KCNH5: variants seen among roughly 807,000 people sequenced by gnomAD.
KCNH5 encodes potassium voltage-gated channel subfamily H member 5.
A neutral mutation model predicts 96.1 loss-of-function variants in KCNH5; 46 were observed. The observed-to-expected ratio is 0.48, with a 90% CI of 0.38 to 0.61. The LOEUF is 0.61. KCNH5 is among the 20% of genes least tolerant of loss of function. The pLI is 0.00. For missense variants in KCNH5, 907 were observed against 1,225.8 expected (o/e 0.74, Z 3.88); for synonymous variants, 439 against 449.8 (o/e 0.98, Z 0.30).
At chr14:62,922,247 T>C (rs1595685799) in intron 7 of KCNH5, among the ~76,000 whole-genome samples, 1 of 152,072 alleles carries the variant, frequency 6.6e-6, no homozygotes, top group Non-Finnish European at 1.5e-5. Flanking sequence ...TATAGCTCTA[T>C]CTATAGCTAC....
At chr14:62,831,596 A>G (rs1887350902) in intron 8 of KCNH5, among the ~76,000 whole-genome samples, 2 of 152,140 alleles carry the variant, frequency 1.3e-5, no homozygotes, top group African/African-American at 4.8e-5. Context: ...ATTTTCAAGA[A>G]TCCTTTATGT....
At chr14:62,871,232 G>A (rs937136000) in intron 7 of KCNH5, among the ~76,000 whole-genome samples, 4 of 152,120 alleles carry the variant, frequency 2.6e-5, no homozygotes, top group Admixed American at 1.3e-4. Context: ...TATCCCCAGG[G>A]AAACCGTAGT....
rs533853047 is a variant in KCNH5, at chr14:62,734,019, G to C, written c.2020-25564C>G. On this transcript the variant is annotated intron_variant, in intron 10 of 10. Transcript: ENST00000322893. ...ATATTCTACTGGCACTTCAAAGTCAGCATATCCAAGATAATTATGTGCCAA... is the reference window on the plus strand; with the variant it reads ...ATATTCTACTGGCACTTCAAAGTCACCATATCCAAGATAATTATGTGCCAA... Among the ~76,000 whole-genome samples the C allele has an allele frequency of 7.2e-5, 11 of 152,238 alleles. No individual in the cohort carries two copies. The South Asian group carries it at 2.3e-3, about 32-fold the overall frequency.
intron 7 of KCNH5, among the ~76,000 whole-genome samples, chr14:62,872,286 T>C (rs1888272583): frequency 6.6e-6 from 1 of 152,252 alleles, no homozygotes; most frequent in African/African-American, 2.4e-5. Context: ...AGAGAATCTC[T>C]ATGATACCTA....
chr14:62,814,570 G>C (rs755636896), intron 8 of KCNH5, among the ~76,000 whole-genome samples: 2 of 151,978 alleles, frequency 1.3e-5, no homozygotes, highest in South Asian at 2.1e-4. Context: ...GAATGAGCCA[G>C]TCAGGAGCTT....
chr14:62,960,802 T>G (rs1314524044), intron 6 of KCNH5, among the ~76,000 whole-genome samples: 1 of 152,188 alleles, frequency 6.6e-6, no homozygotes, highest in Admixed American at 6.6e-5. Context: ...GAAATAATCC[T>G]AATTACTCCA....
chr14:62,720,795 G>A (rs768346516), intron 10 of KCNH5, among the ~76,000 whole-genome samples: 1 of 152,156 alleles, frequency 6.6e-6, no homozygotes, highest in South Asian at 2.1e-4. Context: ...AAATGGTAGT[G>A]CCATTTTCCA....
intron 8 of KCNH5, among the ~76,000 whole-genome samples, chr14:62,827,819 C>T (rs1317254075): frequency 3.3e-5 from 5 of 152,114 alleles, no homozygotes; most frequent in Non-Finnish European, 7.4e-5. Context: ...TTCAGTGATG[C>T]TTTCCTGAAT....
intron 10 of KCNH5, among the ~76,000 whole-genome samples, chr14:62,758,635 G>A (rs1885679879): frequency 6.6e-6 from 1 of 152,164 alleles, no homozygotes; most frequent in Non-Finnish European, 1.5e-5. Context: ...TCACTGAAGT[G>A]CTGGCGTAGA....
intron 6 of KCNH5, among the ~76,000 whole-genome samples, chr14:62,953,026 G>T (rs141593331): frequency 0.022 from 3,383 of 151,318 alleles, 63 homozygotes; most frequent in East Asian, 0.081. Flanking sequence ...GTTTTATATA[G>T]AGAGAGAGCA....
chr14:62,746,667 T>G (rs1490780045), intron 10 of KCNH5, among the ~76,000 whole-genome samples: 2 of 152,236 alleles, frequency 1.3e-5, no homozygotes, highest in Non-Finnish European at 2.9e-5. Flanking sequence ...GTGTTTCTTT[T>G]AATTAATAAC....
chr14:63,019,709 G>C (rs145538390), intron 1 of KCNH5, among the ~76,000 whole-genome samples: 31 of 152,038 alleles, frequency 2.0e-4, no homozygotes, highest in African/African-American at 7.0e-4. Context: ...AAATATAAAA[G>C]GGAAAATTAT....
At chr14:62,963,902 A>G (rs1289893862) in intron 6 of KCNH5, among the ~76,000 whole-genome samples, 1 of 152,164 alleles carries the variant, frequency 6.6e-6, no homozygotes, top group Non-Finnish European at 1.5e-5. Context: ...CCCTAAGAAA[A>G]TAGCTAGAAC....
chr14:63,013,743 T>G (rs1015782605), intron 2 of KCNH5, among the ~76,000 whole-genome samples: 6 of 152,094 alleles, frequency 3.9e-5, no homozygotes, highest in African/African-American at 1.2e-4. Context: ...TATTTCATTT[T>G]AGGCTTTTTT....
At chr14:62,979,925 C>A (rs531357353) in intron 6 of KCNH5, among the ~76,000 whole-genome samples, 241 of 152,276 alleles carry the variant, frequency 1.6e-3, no homozygotes, top group African/African-American at 5.6e-3. Flanking sequence ...TGTCCCCACC[C>A]AAATCTCATC....
intron 7 of KCNH5, among the ~76,000 whole-genome samples, chr14:62,874,120 T>C (rs969100650): frequency 1.3e-5 from 2 of 152,182 alleles, no homozygotes; most frequent in African/African-American, 2.4e-5. Context: ...CCCAAAGAAG[T>C]GAGGTTTTTG....
At chr14:62,886,501 G>T (rs1039373577) in intron 7 of KCNH5, among the ~76,000 whole-genome samples, 3 of 152,158 alleles carry the variant, frequency 2.0e-5, no homozygotes, top group Admixed American at 6.5e-5. Context: ...CAGGAGTGGG[G>T]TGTGCATGTG....
At chr14:62,835,345 T>C (rs1286727428) in intron 8 of KCNH5, among the ~76,000 whole-genome samples, 1 of 152,028 alleles carries the variant, frequency 6.6e-6, no homozygotes, top group East Asian at 1.9e-4. Flanking sequence ...AAGGAAGAGT[T>C]ATATTTGGTG....
intron 8 of KCNH5, among the ~76,000 whole-genome samples, chr14:62,820,701 TG>T (rs1436999242): frequency 6.6e-6 from 1 of 152,218 alleles, no homozygotes; most frequent in African/African-American, 2.4e-5. Flanking sequence ...TAGTATTTCA[TG>T]GTGCATATGT....
Sources: allele counts gnomAD v4.1 joint callset (sites outside exome capture counted in the v4.1 genomes callset), GRCh38; gene constraint gnomAD v4.1.1; transcripts MANE v1.5; gene names NCBI Gene and HGNC (gene_info 2026-07-23, HGNC 2026-07-21).